The following CDKAL1 variants were observed in gnomAD, a reference collection of about 807,000 sequenced individuals.
CDKAL1 encodes the protein CDKAL1 threonylcarbamoyladenosine tRNA methylthiotransferase.
Under a neutral mutation model 68.2 loss-of-function variants are expected in CDKAL1, and 32 were observed. The ratio of observed to expected loss-of-function variants is 0.47; its 90% confidence interval spans 0.35 to 0.63. The LOEUF is 0.63. CDKAL1 is among the 30% of genes least tolerant of loss of function. The pLI is 0.00. For synonymous variants in CDKAL1, 234 were observed against 244.3 expected (o/e 0.96, Z 0.39); for missense variants, 606 against 696.7 (o/e 0.87, Z 1.47).
At chr6:20,959,536 T>G (rs966508907) in intron 10 of CDKAL1, among the ~76,000 whole-genome samples, 3 of 151,672 alleles carry the variant, frequency 2.0e-5, no homozygotes, top group Non-Finnish European at 4.4e-5. Context: ...CCTAATGATA[T>G]CTCCTCTATA....
At chr6:20,884,608 A>G (rs943909746) in intron 9 of CDKAL1, among the ~76,000 whole-genome samples, 2 of 152,224 alleles carry the variant, frequency 1.3e-5, no homozygotes, top group African/African-American at 4.8e-5. Context: ...GAAGATCCCA[A>G]AGAATCTACA....
At chr6:21,219,975 A>G (rs1468622489) in intron 15 of CDKAL1, among the ~76,000 whole-genome samples, 2 of 152,196 alleles carry the variant, frequency 1.3e-5, no homozygotes. Context: ...ACTATTGAAA[A>G]GATTTCTTCA....
intron 10 of CDKAL1, among the ~76,000 whole-genome samples, chr6:20,980,043 T>G (rs1019651281): frequency 6.6e-6 from 1 of 152,048 alleles, no homozygotes; most frequent in Non-Finnish European, 1.5e-5. Context: ...AGTGCTCGGA[T>G]TACAGGCGTG....
chr6:20,780,625 G>A (rs1166026266), intron 7 of CDKAL1, among the ~76,000 whole-genome samples: 2 of 151,292 alleles, frequency 1.3e-5, no homozygotes, highest in African/African-American at 2.4e-5. Flanking sequence ...AAAGCAAGTA[G>A]GCCCTGAATA....
intron 4 of CDKAL1, among the ~76,000 whole-genome samples, chr6:20,556,914 T>C (rs1764066049): frequency 6.6e-6 from 1 of 151,702 alleles, no homozygotes; most frequent in Non-Finnish European, 1.5e-5. Context: ...GGTGGGCGCC[T>C]GTAGTCCCAC....
intron 13 of CDKAL1, among the ~76,000 whole-genome samples, chr6:21,135,987 T>C (rs1350348396): frequency 6.6e-6 from 1 of 152,246 alleles, no homozygotes; most frequent in African/African-American, 2.4e-5. Context: ...GATTTTCTTA[T>C]TTGTAACATT....
chr6:20,806,790 A>G (rs1776590684), intron 8 of CDKAL1, among the ~76,000 whole-genome samples: 1 of 152,184 alleles, frequency 6.6e-6, no homozygotes, highest in South Asian at 2.1e-4. Flanking sequence ...AGCTTATCTG[A>G]ATACCTTATG....
intron 9 of CDKAL1, among the ~76,000 whole-genome samples, chr6:20,893,895 C>G (rs2150583340): frequency 6.6e-6 from 1 of 152,088 alleles, no homozygotes; most frequent in Admixed American, 6.5e-5. Flanking sequence ...AGTATGTGAA[C>G]AAAAAGATTG....
intron 9 of CDKAL1, among the ~76,000 whole-genome samples, chr6:20,949,854 A>T (rs542604383): frequency 6.6e-6 from 1 of 152,186 alleles, no homozygotes; most frequent in Non-Finnish European, 1.5e-5. Context: ...GAGTGGTGCC[A>T]TCTCAGTTTA....
chr6:21,103,901 A>G (rs189899515), intron 12 of CDKAL1, among the ~76,000 whole-genome samples: 7 of 152,330 alleles, frequency 4.6e-5, no homozygotes, highest in Admixed American at 6.5e-5. Context: ...CAATAGGAAA[A>G]TACCTAATTA....
rs551837815 is a variant in CDKAL1 at position 21,128,642 on chromosome 6, A to G, written c.1299+20179A>G. Among the ~76,000 whole-genome samples, 3 of 152,336 alleles carry G rather than the reference A, an allele frequency of 2.0e-5. No homozygotes were observed. In the South Asian group the frequency reaches 6.2e-4, roughly 32 times the overall value. Reference sequence around the variant, plus strand: ...ACAAGATATTTTAGGATAAAATAAGAAGAGATGTGCTGGTCACTCACAAAA... The same window carrying G: ...ACAAGATATTTTAGGATAAAATAAGGAGAGATGTGCTGGTCACTCACAAAA... On this transcript the variant is annotated intron_variant, in intron 13 of 15. Coordinates refer to ENST00000274695, the MANE Select transcript of CDKAL1 (RefSeq NM_017774.3).
At chr6:21,210,056 G>C (rs369798071) in intron 15 of CDKAL1, among the ~76,000 whole-genome samples, 1 of 111,824 alleles carries the variant, frequency 8.9e-6, no homozygotes. Flanking sequence ...TATACGTGTT[G>C]TAATAGTATT....
intron 13 of CDKAL1, among the ~76,000 whole-genome samples, chr6:21,164,290 T>A (rs1239175365): frequency 6.6e-6 from 1 of 152,026 alleles, no homozygotes; most frequent in African/African-American, 2.4e-5. Context: ...ATAAACAAGC[T>A]GGGTTTTTTA....
At chr6:21,042,444 T>C (rs186071473) in intron 11 of CDKAL1, among the ~76,000 whole-genome samples, 64 of 152,284 alleles carry the variant, frequency 4.2e-4, no homozygotes, top group African/African-American at 1.4e-3. Flanking sequence ...CTCGTGGCAC[T>C]GGGTACTCTG....
At chr6:21,116,987 T>A (rs1774444595) in intron 13 of CDKAL1, among the ~76,000 whole-genome samples, 1 of 152,212 alleles carries the variant, frequency 6.6e-6, no homozygotes, top group South Asian at 2.1e-4. Flanking sequence ...GGTCACCTCC[T>A]GTTCTGTCAC....
chr6:20,830,686 C>G (rs1297061715), intron 8 of CDKAL1, among the ~76,000 whole-genome samples: 1 of 152,088 alleles, frequency 6.6e-6, no homozygotes, highest in Non-Finnish European at 1.5e-5. Flanking sequence ...CCCTACACCT[C>G]TCCTTCCCTC....
intron 4 of CDKAL1, among the ~76,000 whole-genome samples, chr6:20,609,398 C>CT (rs1491073693): frequency 1.1e-3 from 88 of 83,410 alleles, no homozygotes; most frequent in Admixed American, 2.1e-3. Flanking sequence ...TCTTCTTCTT[C>CT]TTCTTTTTTT....
At position 21,132,475 on chromosome 6, in the gene CDKAL1, C is replaced by A. The variant is rs1258262913; in HGVS notation, c.1299+24012C>A. The stretch of plus-strand genomic sequence containing the variant: ...TGAAATTTTAAAAATCTCTTAAGCT[C>A]AGCCATTATACATAAGGTCTTATTT... On this transcript the variant is annotated intron_variant, in intron 13 of 15. Transcript: ENST00000274695. 4.0e-3 allele frequency among the ~76,000 whole-genome samples: 609 copies of A among 152,210 alleles called. 5 individuals are homozygous for A. The highest frequency in any genetic ancestry group is 0.014 in the African/African-American group (580 of 41,538).
intron 5 of CDKAL1, among the ~76,000 whole-genome samples, chr6:20,659,242 G>C (rs1769172867): frequency 6.6e-6 from 1 of 152,112 alleles, no homozygotes; most frequent in Non-Finnish European, 1.5e-5. Flanking sequence ...CAAGTTATTT[G>C]AGTTATACTT....
Sources: allele counts gnomAD v4.1 joint callset (sites outside exome capture counted in the v4.1 genomes callset), GRCh38; gene constraint gnomAD v4.1.1; transcripts MANE v1.5; gene names NCBI Gene and HGNC (gene_info 2026-07-23, HGNC 2026-07-21).